The following CADM2 variants were observed in gnomAD, a reference collection of about 807,000 sequenced individuals.
CADM2 encodes the protein cell adhesion molecule 2.
A neutral mutation model predicts 49.8 loss-of-function variants in CADM2; 12 were observed. That is an observed-to-expected ratio of 0.24 (90% CI 0.15 to 0.39). The LOEUF is 0.39. CADM2 is among the 10% of genes least tolerant of loss of function. The pLI is 1.00. For missense variants in CADM2, 378 were observed against 492.3 expected (o/e 0.77, Z 2.20); for synonymous variants, 214 against 175.4 (o/e 1.22, Z -1.74).
At chr3:85,092,076 T>C (rs12630455) in intron 1 of CADM2, among the ~76,000 whole-genome samples, 13,277 of 152,212 alleles carry the variant, frequency 0.087, 1,097 homozygotes, top group Admixed American at 0.26. Flanking sequence ...ATGTAAGAAC[T>C]TTCGCTCTTT....
intron 1 of CADM2, among the ~76,000 whole-genome samples, chr3:85,153,728 G>A (rs879777893): frequency 1.9e-3 from 289 of 152,188 alleles, no homozygotes; most frequent in Non-Finnish European, 3.1e-3. Context: ...CTCCCAGCAC[G>A]CAGCTGGAGA....
chr3:85,921,788 A>G (rs1719155111), intron 6 of CADM2, among the ~76,000 whole-genome samples: 1 of 151,740 alleles, frequency 6.6e-6, no homozygotes, highest in South Asian at 2.1e-4. Context: ...ACATCATCCA[A>G]TTTAATTCTA....
chr3:85,239,109 C>T (rs1444513216), intron 1 of CADM2, among the ~76,000 whole-genome samples: 1 of 151,678 alleles, frequency 6.6e-6, no homozygotes, highest in African/African-American at 2.4e-5. Flanking sequence ...CAGATGTGGC[C>T]CTTTATCACT....
chr3:85,147,147 C>T (rs1036686919), intron 1 of CADM2, among the ~76,000 whole-genome samples: 7 of 151,484 alleles, frequency 4.6e-5, no homozygotes, highest in Non-Finnish European at 1.0e-4. Flanking sequence ...TGGTGGCGGG[C>T]GCCTGTAGTC....
In CADM2 at chr3:85,619,747, T is replaced by C. The variant is rs139903770; in HGVS notation, c.62-106775T>C. Among the ~76,000 whole-genome samples, 11 of 152,318 alleles carry C rather than the reference T, an allele frequency of 7.2e-5. No individual in the cohort carries two copies. In the East Asian group the frequency reaches 1.9e-3, roughly 27 times the overall value. ...AAGAGGAGACTCTTAAAATTATTTT[T>C]GTCCCACAGAAAAAGGTTTAGGCAT... On this transcript the variant is annotated intron_variant, in intron 1 of 9. Transcript: ENST00000383699.
chr3:85,370,104 T>G (rs2033104556), intron 1 of CADM2, among the ~76,000 whole-genome samples: 1 of 151,600 alleles, frequency 6.6e-6, no homozygotes, highest in Admixed American at 6.6e-5. Flanking sequence ...TCCCAACTAC[T>G]CAGGAGGCTG....
At chr3:85,278,718 T>TTGTGTG (rs36208431) in intron 1 of CADM2, among the ~76,000 whole-genome samples, 7 of 144,460 alleles carry the variant, frequency 4.8e-5, no homozygotes, top group Admixed American at 1.4e-4. Flanking sequence ...GCTGATGTTC[T>TTGTGTG]TGTGTGTGTG....
At chr3:85,025,909 T>C (rs983198770) in intron 1 of CADM2, among the ~76,000 whole-genome samples, 3 of 152,088 alleles carry the variant, frequency 2.0e-5, no homozygotes, top group Non-Finnish European at 4.4e-5. Context: ...TGAGAAAAAT[T>C]AGGTCCATAA....
At chr3:85,717,212 A>AT (rs2067324375) in intron 1 of CADM2, among the ~76,000 whole-genome samples, 1 of 151,638 alleles carries the variant, frequency 6.6e-6, no homozygotes, top group East Asian at 1.9e-4. Flanking sequence ...GGTCCTTCAC[A>AT]TCCCTTGTAA....
intron 1 of CADM2, among the ~76,000 whole-genome samples, chr3:85,529,072 T>C (rs937294046): frequency 6.6e-6 from 1 of 152,056 alleles, no homozygotes; most frequent in Non-Finnish European, 1.5e-5. Flanking sequence ...ATGAAGAAAT[T>C]AAAGTTCAGA....
intron 1 of CADM2, among the ~76,000 whole-genome samples, chr3:85,223,748 C>T (rs376075114): frequency 6.6e-6 from 1 of 152,084 alleles, no homozygotes; most frequent in African/African-American, 2.4e-5. Context: ...TGCTCTCTCT[C>T]CCTGTGCCCC....
chr3:85,573,923 C>A (rs1351717267), intron 1 of CADM2, among the ~76,000 whole-genome samples: 2 of 152,064 alleles, frequency 1.3e-5, no homozygotes, highest in Non-Finnish European at 2.9e-5. Context: ...TAGTAATCTA[C>A]ATATGCAACA....
chr3:85,519,681 T>C (rs1184668710), intron 1 of CADM2, among the ~76,000 whole-genome samples: 1 of 152,128 alleles, frequency 6.6e-6, no homozygotes, highest in Non-Finnish European at 1.5e-5. Context: ...AAGAAGAGCT[T>C]GGACTGTAAG....
Position 85,503,773 on chromosome 3 carries a change from T to C in CADM2, c.62-222749T>C, listed in dbSNP as rs1041106673. Among the ~76,000 whole-genome samples, 87 of 152,196 alleles carry C rather than the reference T, an allele frequency of 5.7e-4. 1 individual carries two copies. The highest frequency in any genetic ancestry group is 6.2e-4 in the Non-Finnish European group (42 of 68,030). On this transcript the variant is annotated intron_variant, in intron 1 of 9. Coordinates refer to ENST00000383699, the MANE Select transcript of CADM2 (RefSeq NM_001167675.2). ...CAAAGTGGTCAATACAGATGCTCAG[T>C]GAAGCTTAGTTTTTGAAATATTATG...
intron 1 of CADM2, among the ~76,000 whole-genome samples, chr3:84,969,678 T>C (rs1413844305): frequency 6.6e-6 from 1 of 151,926 alleles, no homozygotes; most frequent in Non-Finnish European, 1.5e-5. Flanking sequence ...ACTTTTCATT[T>C]ATATGTAATA....
Position 85,763,569 on chromosome 3 carries a change from C to T in CADM2, c.88+37021C>T, listed in dbSNP as rs114643307. Among the ~76,000 whole-genome samples, 559 of 152,262 alleles carry T rather than the reference C, an allele frequency of 3.7e-3. 2 individuals carry two copies. Among genetic ancestry groups the T allele is most frequent in the African/African-American group, 0.013 (536 of 41,558 alleles). ...TCATTCAACTGTGCTTTCTTAGAAA[C>T]ATTTCTTACAGCATTTAAGTGGGTT... On this transcript the variant is annotated intron_variant, in intron 2 of 9. Transcript: ENST00000383699.
chr3:85,557,853 T>C (rs4543024), intron 1 of CADM2, among the ~76,000 whole-genome samples: 77,556 of 151,638 alleles, frequency 0.51, 22,882 homozygotes, highest in East Asian at 0.85. Flanking sequence ...TGATCCTTCA[T>C]AAAGACATTT....
At chr3:85,596,867 C>T (rs1181011464) in intron 1 of CADM2, among the ~76,000 whole-genome samples, 2 of 152,062 alleles carry the variant, frequency 1.3e-5, no homozygotes, top group Non-Finnish European at 2.9e-5. Flanking sequence ...CAGGCATGCC[C>T]CACCACGCCC....
At chr3:85,349,005 A>C (rs1308296157) in intron 1 of CADM2, among the ~76,000 whole-genome samples, 1 of 152,192 alleles carries the variant, frequency 6.6e-6, no homozygotes, top group African/African-American at 2.4e-5. Context: ...TGAGTCATTC[A>C]GTATCCTTTC....
Sources: allele counts gnomAD v4.1 joint callset (sites outside exome capture counted in the v4.1 genomes callset), GRCh38; gene constraint gnomAD v4.1.1; transcripts MANE v1.5; gene names NCBI Gene and HGNC (gene_info 2026-07-23, HGNC 2026-07-21).